FASLG: variants seen among roughly 807,000 people sequenced by gnomAD.
FASLG encodes the protein tumor necrosis factor ligand superfamily member 6.
Under a neutral mutation model 24.6 loss-of-function variants are expected in FASLG, and 9 were observed. That is an observed-to-expected ratio of 0.37 (90% CI 0.22 to 0.64). The LOEUF is 0.64. Ranked by LOEUF, FASLG falls within the 30% of genes least tolerant of loss-of-function variation. The pLI is 0.64. For missense variants in FASLG, 306 were observed against 345.3 expected (o/e 0.89, Z 0.90); for synonymous variants, 130 against 135.5 (o/e 0.96, Z 0.28).
chr1:172,660,082 T>C lies in FASLG; in HGVS notation c.349-13T>C, dbSNP rs770652587. 1.2e-6 allele frequency: 2 copies of C among 1,613,448 alleles called. No homozygotes were observed. The highest frequency in any genetic ancestry group is 1.7e-6 in the Non-Finnish European group (2 of 1,179,442). On this transcript the variant is annotated splice_polypyrimidine_tract_variant and intron_variant, in intron 1 of 3. Transcript: ENST00000367721. Reference sequence around the variant, plus strand: ...ATTTTTATTATACATCTTTTCTCTTTCTGTTTTACTAGTCTACCAGCCAGA... The same window carrying C: ...ATTTTTATTATACATCTTTTCTCTTCCTGTTTTACTAGTCTACCAGCCAGA...
Position 172,662,822 on chromosome 1 carries a change from A to G in FASLG, c.395-1512A>G, listed in dbSNP as rs549890336. ...GTACTAGGCTCTGTGAGGGATATAA[A>G]GACATGCAACATGTGGTTCTCTGTT... On this transcript the variant is annotated intron_variant, in intron 2 of 3. Transcript: ENST00000367721. 1.1e-4 allele frequency among the ~76,000 whole-genome samples: 17 copies of G among 152,354 alleles called. No individual in the cohort carries two copies. The South Asian group carries it at 3.1e-3, about 28-fold the overall frequency.
intron 2 of FASLG, among the ~76,000 whole-genome samples, chr1:172,661,139 G>A (rs1659129013): frequency 6.6e-6 from 1 of 152,176 alleles, no homozygotes; most frequent in African/African-American, 2.4e-5. Flanking sequence ...ATGAAGGAGG[G>A]AAACTCCTGT....
chr1:172,663,631 A>G (rs1659189210), intron 2 of FASLG, among the ~76,000 whole-genome samples: 1 of 152,164 alleles, frequency 6.6e-6, no homozygotes, highest in Non-Finnish European at 1.5e-5. Flanking sequence ...GTAAGGAGAT[A>G]AGGCTGGACA....
rs751847640 is a variant in FASLG at position 172,660,112 on chromosome 1, C to G, written c.366C>G (p.His122Gln). ...TTTACTAGTCTACCAGCCAGATGCA[C>G]ACAGCATCATCTTTGGAGAAGCAAA... ...AELRESTSQM[H>Q]TASSLEKQIG... Residue 122 changes from histidine to glutamine, a missense_variant, in exon 2 of 4, where the codon CAC becomes CAG. His to Gln is a conservative substitution (Grantham distance 24). Transcript: ENST00000367721. 1 of 1,614,110 alleles carries G rather than the reference C, an allele frequency of 6.2e-7. No homozygotes were observed. Among genetic ancestry groups the G allele is most frequent in the South Asian group, 1.1e-5 (1 of 91,088 alleles).
intron 2 of FASLG, among the ~76,000 whole-genome samples, chr1:172,660,917 A>G (rs966107153): frequency 1.3e-5 from 2 of 152,228 alleles, no homozygotes; most frequent in Non-Finnish European, 2.9e-5. Context: ...TTTTAGATTT[A>G]GATTTACAAT....
At chr1:172,659,946 G>A in intron 1 of FASLG, 149 bp from the exon 2 acceptor site, 1 of 813,254 alleles carries the variant, frequency 1.2e-6, no homozygotes, top group South Asian at 1.8e-5. Context: ...GGGACAGTGA[G>A]GCAAAATTGC....
chr1:172,665,515 TG>T, intron 3 of FASLG, 106 bp from the exon 4 acceptor site: 1 of 1,300,062 alleles, frequency 7.7e-7, no homozygotes, highest in Non-Finnish European at 1.1e-6. Flanking sequence ...GCTGTCATTC[TG>T]GGTGAAACAT....
intron 2 of FASLG, among the ~76,000 whole-genome samples, chr1:172,661,633 G>A (rs186246583): frequency 2.6e-5 from 4 of 152,238 alleles, no homozygotes; most frequent in Admixed American, 2.6e-4. Flanking sequence ...AAGCAATTAT[G>A]TTCTCTAGAT....
chr1:172,664,457 G>T (rs1659209287), intron 3 of FASLG, 67 bp downstream of exon 3: 6 of 1,487,616 alleles, frequency 4.0e-6, no homozygotes, highest in East Asian at 2.3e-5. Flanking sequence ...TGGCTGCCTG[G>T]TTTCCATTAC....
rs778330321 is a variant in FASLG, at chr1:172,660,050, G to T, written c.349-45G>T. 5.2e-5 allele frequency: 82 copies of T among 1,588,120 alleles called. 1 individual carries two copies. The South Asian group carries it at 7.8e-4, about 15-fold the overall frequency. ...GACGATTCTGCCTCTTTTGCTTAAA[G>T]AATTTTATTTTTATTATACATCTTT... On this transcript the variant is annotated intron_variant, in intron 1 of 3. Coordinates refer to ENST00000367721, the MANE Select transcript of FASLG (RefSeq NM_000639.3).
chr1:172,659,872 T>C (rs977454135), intron 1 of FASLG, among the ~76,000 whole-genome samples: 2 of 152,182 alleles, frequency 1.3e-5, no homozygotes, highest in African/African-American at 2.4e-5. Context: ...TGCTTGGAAG[T>C]AAATTTGTTC....
rs1659270839 is a variant in FASLG, at chr1:172,666,479, A to C, written c.*463A>C. 6.2e-6 allele frequency: 1 copy of C among 162,314 alleles called. No homozygotes were observed. The highest frequency in any genetic ancestry group is 1.4e-5 in the Non-Finnish European group (1 of 72,806). The allele number at this position is 162,314 out of a possible 1,614,324, so 10.1% of individuals were successfully genotyped here. On this transcript the variant is annotated 3_prime_UTR_variant, in exon 4 of 4. Coordinates refer to ENST00000367721, the MANE Select transcript of FASLG (RefSeq NM_000639.3). Reference sequence around the variant, plus strand: ...TAAGCTAAAGAGGCTGAAAGAGGCCAATGCCCCACTGGCAGCATCTTCACT... The same window carrying C: ...TAAGCTAAAGAGGCTGAAAGAGGCCCATGCCCCACTGGCAGCATCTTCACT...
At position 172,665,823 on chromosome 1, in the gene FASLG, A is replaced by G; in HGVS notation, c.653A>G (p.Tyr218Cys). The G allele has an allele frequency of 6.2e-6, 10 of 1,614,184 alleles. No individual in the cohort carries two copies. The highest frequency in any genetic ancestry group is 8.5e-6 in the Non-Finnish European group (10 of 1,180,036). The change falls in exon 4 of 4, where the codon TAT becomes TGT. Residue 218 changes from tyrosine to cysteine, a missense_variant. Coordinates refer to ENST00000367721, the MANE Select transcript of FASLG (RefSeq NM_000639.3). The stretch of plus-strand genomic sequence containing the variant: ...AAGGTCTACATGAGGAACTCTAAGT[A>G]TCCCCAGGATCTGGTGATGATGGAG... The part of the protein sequence containing the change: ...SHKVYMRNSK[Y>C]PQDLVMMEGK...
At chr1:172,661,365 A>T (rs1210209589) in intron 2 of FASLG, among the ~76,000 whole-genome samples, 1 of 152,158 alleles carries the variant, frequency 6.6e-6, no homozygotes, top group East Asian at 1.9e-4. Flanking sequence ...TATATGAGCC[A>T]CTGTTGGGAT....
At chr1:172,664,009 A>C (rs1004224933) in intron 2 of FASLG, among the ~76,000 whole-genome samples, 4 of 152,132 alleles carry the variant, frequency 2.6e-5, no homozygotes, top group African/African-American at 9.7e-5. Context: ...AATAATACCT[A>C]CCTCAAAGGG....
In FASLG at chr1:172,659,333, GCCACCACCACCACCGCCACCGCCA is replaced by G. The variant is rs752280425; in HGVS notation, c.137_160del (p.Pro46_Pro53del). 2 of 1,613,192 alleles carry G rather than the reference GCCACCACCACCACCGCCACCGCCA, an allele frequency of 1.2e-6. No homozygotes were observed. Among genetic ancestry groups the G allele is most frequent in the South Asian group, 1.1e-5 (1 of 91,018 alleles). Reference sequence around the variant, plus strand: ...TGCCCAGAAGGCCTGGTCAAAGGAGGCCACCACCACCACCGCCACCGCCACCACTACCACCTCCGCCGCCGCCGC... The same window carrying G: ...TGCCCAGAAGGCCTGGTCAAAGGAGGCCACTACCACCTCCGCCGCCGCCGC... On this transcript the variant is annotated inframe_deletion, in exon 1 of 4. Transcript: ENST00000367721.
chr1:172,659,555 C>T lies in FASLG; in HGVS notation c.348+6C>T. ...AGCTGGCAGAACTCCGAGAGGTAAG[C>T]CTGCCGGCAGACTGCTGTGCCCTGG... On this transcript the variant is annotated splice_donor_region_variant and intron_variant, in intron 1 of 3. Coordinates refer to ENST00000367721, the MANE Select transcript of FASLG (RefSeq NM_000639.3). The T allele has an allele frequency of 3.7e-6, 6 of 1,613,182 alleles. No homozygotes were observed. Among genetic ancestry groups the T allele is most frequent in the Non-Finnish European group, 5.1e-6 (6 of 1,179,888 alleles).
At chr1:172,664,258 A>T (rs1659203819) in intron 2 of FASLG, 76 bp from the exon 3 acceptor site, 3 of 1,483,516 alleles carry the variant, frequency 2.0e-6, no homozygotes, top group Non-Finnish European at 2.8e-6. Context: ...TTTTAAAATG[A>T]TTGGATTTAA....
intron 2 of FASLG, among the ~76,000 whole-genome samples, chr1:172,662,584 G>T (rs1200404578): frequency 6.6e-6 from 1 of 152,012 alleles, no homozygotes; most frequent in Admixed American, 6.6e-5. Flanking sequence ...TAACACCTTG[G>T]GGGTCAGAAG....
Sources: gnomAD v4.1 joint callset for allele counts (sites outside exome capture counted in the v4.1 genomes callset) on GRCh38, gnomAD v4.1.1 for gene constraint, MANE v1.5 for transcripts, NCBI Gene and HGNC (gene_info 2026-07-23, HGNC 2026-07-21) for gene names.